Variants in MYO1E observed in about 807,000 individuals in gnomAD.
MYO1E encodes the protein unconventional myosin-Ie.
In MYO1E, 68 loss-of-function variants were observed where a neutral mutation model predicts 151.1. That is an observed-to-expected ratio of 0.45 (90% confidence interval 0.37 to 0.55). The LOEUF (loss-of-function observed/expected upper bound fraction) is 0.55. Ranked by LOEUF, MYO1E falls within the 20% of genes least tolerant of loss-of-function variation. The pLI is 0.00. For synonymous variants in MYO1E, 601 were observed against 501.7 expected, an observed-to-expected ratio of 1.20 and a Z score of -2.64; for missense variants, 1,363 against 1,389.3, an observed-to-expected ratio of 0.98 and a Z score of 0.30.
Position 59,313,593 on chromosome 15 carries a change from A to G in MYO1E, c.4-41144T>C, listed in dbSNP as rs150934796. 2.0e-3 allele frequency among the ~76,000 whole-genome samples: 305 copies of G among 151,018 alleles called. 1 individual carries two copies. The highest frequency in any genetic ancestry group is 6.8e-3 in the African/African-American group (281 of 41,064). ...GCTCACATCCTAGAGATGAGGGTAC[A>G]TGCTCTTTTATTTCAAGCTCTTGTT... On this transcript the variant is annotated intron_variant, in intron 1 of 27. Transcript: ENST00000288235.
Position 59,195,541 on chromosome 15 carries a change from G to C in MYO1E, c.1725C>G (p.Thr575=). The C allele has an allele frequency of 6.2e-7, 1 of 1,614,048 alleles. No individual in the cohort carries two copies. The highest frequency in any genetic ancestry group is 8.5e-7 in the Non-Finnish European group (1 of 1,179,940). The change falls in exon 17 of 28, where the codon ACC becomes ACG. Residue 575 remains threonine, a synonymous_variant. Coordinates refer to ENST00000288235, the MANE Select transcript of MYO1E (RefSeq NM_004998.4). Reference sequence around the variant, plus strand: ...TGTAGTGGGGCGTACATTTCATCAGGGTGCTCACAAGGTCATTGGCTTGTT... The same window carrying C: ...TGTAGTGGGGCGTACATTTCATCAGCGTGCTCACAAGGTCATTGGCTTGTT... The part of the protein sequence containing the change: ...IKKQANDLVS[T]LMKCTPHYIR...
chr15:59,243,109 T>TTA (rs1429891114), intron 4 of MYO1E, among the ~76,000 whole-genome samples: 7 of 150,434 alleles, frequency 4.7e-5, no homozygotes, highest in Admixed American at 1.3e-4. Context: ...CTTTTTTTTT[T>TTA]TTTTTTCAAA....
chr15:59,302,136 G>A (rs1358015952), intron 1 of MYO1E, among the ~76,000 whole-genome samples: 1 of 151,958 alleles, frequency 6.6e-6, no homozygotes, highest in African/African-American at 2.4e-5. Flanking sequence ...TCAGATGTGG[G>A]GAGAAAAAAA....
At chr15:59,340,927 T>C (rs892056230) in intron 1 of MYO1E, among the ~76,000 whole-genome samples, 1 of 138,694 alleles carries the variant, frequency 7.2e-6, no homozygotes, top group Non-Finnish European at 1.5e-5. Context: ...GAGGCTGAGG[T>C]AGAAAAGCTT....
At chr15:59,249,400 G>A (rs2080150566) in intron 4 of MYO1E, among the ~76,000 whole-genome samples, 1 of 145,948 alleles carries the variant, frequency 6.9e-6, no homozygotes, top group Non-Finnish European at 1.5e-5. Flanking sequence ...ACTCCAGCCT[G>A]GTGACAGAGC....
At chr15:59,310,841 C>CT (rs2140410385) in intron 1 of MYO1E, among the ~76,000 whole-genome samples, 1 of 151,884 alleles carries the variant, frequency 6.6e-6, no homozygotes, top group Non-Finnish European at 1.5e-5. Context: ...CTGTAAGAAG[C>CT]TAGTGGTCTC....
chr15:59,258,045 G>C (rs1424693322), intron 3 of MYO1E, among the ~76,000 whole-genome samples: 1 of 152,170 alleles, frequency 6.6e-6, no homozygotes, highest in Non-Finnish European at 1.5e-5. Flanking sequence ...AAAGGAAAGT[G>C]ATATACAGAA....
intron 9 of MYO1E, among the ~76,000 whole-genome samples, chr15:59,221,224 T>C (rs1006452193): frequency 9.2e-5 from 14 of 151,810 alleles, no homozygotes; most frequent in Non-Finnish European, 1.8e-4. Flanking sequence ...TTGGCCAGGC[T>C]GGTTTCAAAC....
At chr15:59,243,762 G>T (rs1419246736) in intron 4 of MYO1E, among the ~76,000 whole-genome samples, 1 of 152,010 alleles carries the variant, frequency 6.6e-6, no homozygotes, top group Non-Finnish European at 1.5e-5. Flanking sequence ...ATTACCTCAC[G>T]CAGAGTTGGA....
chr15:59,254,876 A>G (rs575798299), intron 4 of MYO1E, among the ~76,000 whole-genome samples: 2 of 151,796 alleles, frequency 1.3e-5, no homozygotes, highest in South Asian at 4.2e-4. Flanking sequence ...CCCAGGCTGG[A>G]CTGCAGTGGC....
Position 59,250,969 on chromosome 15 carries a change from C to T in MYO1E, c.332+5315G>A, listed in dbSNP as rs563298516. ...GCAGAAGACTGAGGGGGCCTCCAGA[C>T]TAGCAAGCTCATGTAAGAAGACCAT... is the stretch of plus-strand genomic sequence containing the variant. On this transcript the variant is annotated intron_variant, in intron 4 of 27. Transcript: ENST00000288235. 5.8e-4 allele frequency among the ~76,000 whole-genome samples: 89 copies of T among 152,258 alleles called. 2 individuals are homozygous for T. The highest frequency in any genetic ancestry group is 2.5e-3 in the South Asian group (12 of 4,832).
At chr15:59,176,975 C>T (rs2079628816) in intron 19 of MYO1E, among the ~76,000 whole-genome samples, 1 of 152,030 alleles carries the variant, frequency 6.6e-6, no homozygotes, top group Non-Finnish European at 1.5e-5. Flanking sequence ...GAATATAACC[C>T]CCTCCAACGC....
rs567976268 is a variant in MYO1E, at chr15:59,132,582, G to A, written c.*4798C>T. The A allele has an allele frequency of 1.3e-5, 2 of 152,336 alleles. No homozygotes were observed. The highest frequency in any genetic ancestry group is 6.5e-5 in the Admixed American group (1 of 15,300). 9.4% of individuals were successfully genotyped at this position (152,336 alleles called of 1,614,324 possible). A position where few individuals can be genotyped will look rare whatever the true frequency, so the allele number is the denominator to read the frequency against. ...AACTAAAATGTCATAAATGGGAAATGAGTGGCAGAAGTAGAAACCATATCA... is the reference window on the plus strand; with the variant it reads ...AACTAAAATGTCATAAATGGGAAATAAGTGGCAGAAGTAGAAACCATATCA... On this transcript the variant is annotated 3_prime_UTR_variant, in exon 28 of 28. Transcript: ENST00000288235.
intron 14 of MYO1E, chr15:59,207,190 T>TGC (rs2079842600): frequency 6.2e-7 from 1 of 1,614,134 alleles, no homozygotes; most frequent in African/African-American, 1.3e-5. Context: ...GGGCATGGCC[T>TGC]GCGCTATCAG....
At chr15:59,175,902 T>G (rs1381667426) in intron 19 of MYO1E, among the ~76,000 whole-genome samples, 1 of 152,084 alleles carries the variant, frequency 6.6e-6, no homozygotes, top group Non-Finnish European at 1.5e-5. Flanking sequence ...AGAAAAAACC[T>G]TGATAACACA....
intron 4 of MYO1E, among the ~76,000 whole-genome samples, chr15:59,251,072 A>C (rs1171403730): frequency 2.6e-5 from 4 of 152,318 alleles, no homozygotes; most frequent in Non-Finnish European, 4.4e-5. Context: ...ACTCTATCAG[A>C]AAACTCATCC....
At chr15:59,243,542 G>A (rs1566990221) in intron 4 of MYO1E, among the ~76,000 whole-genome samples, 1 of 152,178 alleles carries the variant, frequency 6.6e-6, no homozygotes, top group Non-Finnish European at 1.5e-5. Flanking sequence ...AAGGAGGTGA[G>A]AGAGTCTGTG....
intron 26 of MYO1E, among the ~76,000 whole-genome samples, chr15:59,149,539 C>T (rs1227309537): frequency 1.3e-5 from 2 of 152,210 alleles, no homozygotes; most frequent in Non-Finnish European, 2.9e-5. Flanking sequence ...TGCACCAATA[C>T]TGCAATGAAA....
At chr15:59,265,903 G>C (rs184901783) in intron 2 of MYO1E, among the ~76,000 whole-genome samples, 2 of 151,716 alleles carry the variant, frequency 1.3e-5, no homozygotes, top group East Asian at 1.9e-4. Context: ...GGAAGGCAAG[G>C]CTGCAGCGAA....
Sources: gnomAD v4.1 joint callset for allele counts (sites outside exome capture counted in the v4.1 genomes callset) on GRCh38, gnomAD v4.1.1 for gene constraint, MANE v1.5 for transcripts, NCBI Gene and HGNC (gene_info 2026-07-23, HGNC 2026-07-21) for gene names.